Variants in CEP44 observed in about 807,000 individuals in gnomAD.
CEP44 encodes the protein centrosomal protein 44.
In CEP44, 45 loss-of-function variants were observed where a neutral mutation model predicts 46.7. The observed-to-expected ratio is 0.96, with a 90% CI of 0.76 to 1.24. The LOEUF (loss-of-function observed/expected upper bound fraction) is 1.24, where lower values mean the gene tolerates loss of function less well. CEP44 is among the 50% of genes most tolerant of loss of function. The pLI is 0.00. For synonymous variants in CEP44, 142 were observed against 146.0 expected (o/e 0.97, Z 0.20); for missense variants, 475 against 459.7 (o/e 1.03, Z -0.30).
In CEP44 at chr4:174,326,433, C is replaced by T. The variant is rs571423801; in HGVS notation, c.1087-5049C>T. On this transcript the variant is annotated intron_variant, in intron 8 of 8. Transcript: ENST00000426172. The surrounding 1 kb of genome is among the most constrained non-coding windows in gnomAD (Gnocchi z 4.8). The stretch of plus-strand genomic sequence containing the variant: ...GATAATATACTTTTCATTCTTTCTG[C>T]GCCCGCCAAGCCTTTTTTTGTCAAA... Among the ~76,000 whole-genome samples the T allele has an allele frequency of 1.1e-3, 170 of 152,052 alleles. No homozygotes were observed. In the Middle Eastern group the frequency reaches 0.014, roughly 12 times the overall value.
Position 174,303,855 on chromosome 4 carries a change from T to G in CEP44, c.384+6T>G, listed in dbSNP as rs1740047372. 6.6e-7 allele frequency: 1 copy of G among 1,515,602 alleles called. No homozygotes were observed. Among genetic ancestry groups the G allele is most frequent in the African/African-American group, 1.4e-5 (1 of 72,712 alleles). The allele number at this position is 1,515,602 out of a possible 1,614,324, so 93.9% of individuals were successfully genotyped here. ...AATTAAGCAGTCTTCAGAAGGTAAT[T>G]TTATGAATAGATATTAATGCTGATG... On this transcript the variant is annotated splice_donor_region_variant and intron_variant, in intron 5 of 11. Coordinates refer to ENST00000503780, the MANE Select transcript of CEP44 (RefSeq NM_001040157.3).
intron 3 of CEP44, among the ~76,000 whole-genome samples, chr4:174,300,177 C>A (rs1025147932): frequency 7.2e-5 from 11 of 151,994 alleles, no homozygotes; most frequent in Non-Finnish European, 1.0e-4. Flanking sequence ...GAATGGATAT[C>A]CATATAAGAA....
At chr4:174,303,664 A>G (rs1344357258) in intron 4 of CEP44, 39 bp from the exon 5 acceptor site, 1 of 1,370,026 alleles carries the variant, frequency 7.3e-7, no homozygotes, top group East Asian at 2.4e-5. Context: ...TTAGAAATAA[A>G]TTGCTCCCAA....
At chr4:174,291,619 T>G (rs781171114) in intron 1 of CEP44, among the ~76,000 whole-genome samples, 3 of 152,088 alleles carry the variant, frequency 2.0e-5, no homozygotes, top group Admixed American at 6.5e-5. Flanking sequence ...AGCAGTGAGA[T>G]GTATACTTTC....
At chr4:174,295,865 T>G (rs573177263) in intron 1 of CEP44, among the ~76,000 whole-genome samples, 5 of 152,384 alleles carry the variant, frequency 3.3e-5, no homozygotes, top group African/African-American at 9.6e-5. Flanking sequence ...TGAGGGACTT[T>G]CCCTCTATTC....
At chr4:174,321,417 A>G (rs1178482329), downstream of CEP44, among the ~76,000 whole-genome samples, 2 of 152,092 alleles carry the variant, frequency 1.3e-5, no homozygotes, top group African/African-American at 2.4e-5. Context: ...CAGTCAAATA[A>G]TATATAAATA....
In CEP44 at chr4:174,311,065, T is replaced by C. The variant is rs1741026489; in HGVS notation, c.961+207T>C. Among the ~76,000 whole-genome samples the C allele has an allele frequency of 6.6e-6, 1 of 152,044 alleles. No homozygotes were observed. The highest frequency in any genetic ancestry group is 1.5e-5 in the Non-Finnish European group (1 of 67,890). Reference sequence around the variant, plus strand: ...ACATAACATAGTGGGTGAATAAATTTCAGTGTACAAAATTGAAAATTTTTA... The same window carrying C: ...ACATAACATAGTGGGTGAATAAATTCCAGTGTACAAAATTGAAAATTTTTA... On this transcript the variant is annotated intron_variant, in intron 9 of 11. Transcript: ENST00000503780. This position sits in a 1 kb window ranked among gnomAD's most constrained non-coding sequence, Gnocchi z 4.4.
At chr4:174,304,116 G>T in intron 5 of CEP44, 131 bp from the exon 6 acceptor site, 5 of 1,122,280 alleles carry the variant, frequency 4.5e-6, no homozygotes, top group Non-Finnish European at 6.1e-6. Flanking sequence ...TAAAAGTCAT[G>T]TAGTCTCATT....
rs1042643190 is a variant in CEP44, at chr4:174,329,644, A to G, written c.1087-1838A>G. Among the ~76,000 whole-genome samples the G allele has an allele frequency of 1.3e-5, 2 of 152,202 alleles. No homozygotes were observed. Among genetic ancestry groups the G allele is most frequent in the Non-Finnish European group, 2.9e-5 (2 of 68,022 alleles). On this transcript the variant is annotated intron_variant, in intron 8 of 8. Transcript: ENST00000426172. The surrounding 1 kb of genome is among the most constrained non-coding windows in gnomAD (Gnocchi z 4.0). Reference sequence around the variant, plus strand: ...TTATGCTTTGAGAAACCAAAGGGGAAAAGTTCAAAAGGTACTTCATAACTT... The same window carrying G: ...TTATGCTTTGAGAAACCAAAGGGGAGAAGTTCAAAAGGTACTTCATAACTT...
At chr4:174,313,541 G>A (rs1230875293) in intron 9 of CEP44, among the ~76,000 whole-genome samples, 2 of 152,064 alleles carry the variant, frequency 1.3e-5, no homozygotes, top group Admixed American at 1.3e-4. Flanking sequence ...TTTCAGCAAG[G>A]CTAATATTCT....
downstream of CEP44, among the ~76,000 whole-genome samples, chr4:174,323,809 A>G (rs917403615): frequency 6.6e-6 from 1 of 152,088 alleles, no homozygotes; most frequent in Non-Finnish European, 1.5e-5. Context: ...GGGCATTCAT[A>G]CAGGCCATTG....
intron 1 of CEP44, among the ~76,000 whole-genome samples, chr4:174,292,602 G>T (rs992262624): frequency 6.6e-6 from 1 of 151,828 alleles, no homozygotes; most frequent in Non-Finnish European, 1.5e-5. Flanking sequence ...TCATATGACC[G>T]GTGTTCAGGT....
chr4:174,300,458 A>G (rs1739585225), intron 3 of CEP44, among the ~76,000 whole-genome samples: 2 of 152,104 alleles, frequency 1.3e-5, no homozygotes, highest in Non-Finnish European at 2.9e-5. Flanking sequence ...TGCCACTTTA[A>G]GTGTCAACAT....
In CEP44 at chr4:174,309,987, T is replaced by G. The variant is rs758740148; in HGVS notation, c.816T>G (p.Asp272Glu). ...AAATGAAAGGAAAAGTGATGGTAGA[T>G]GAAAACACCTGGACTAATCTTCTTA... ...EQKMKGKVMVDENTWTNLLSR... is the reference protein window; with the variant it reads ...EQKMKGKVMVEENTWTNLLSR... The change falls in exon 8 of 12, where the codon GAT (aspartate) becomes GAG (glutamate). Residue 272 changes from aspartate (D) to glutamate (E), a missense_variant. Asp to Glu is a conservative substitution (Grantham distance 45). Transcript: ENST00000503780. This position sits in a 1 kb window ranked among gnomAD's most constrained non-coding sequence, Gnocchi z 5.3. The G allele has an allele frequency of 3.1e-6, 5 of 1,612,868 alleles. No homozygotes were observed. The South Asian group carries it at 4.4e-5, about 14-fold the overall frequency.
chr4:174,324,936 C>T (rs1742562685), downstream of CEP44, among the ~76,000 whole-genome samples: 1 of 152,116 alleles, frequency 6.6e-6, no homozygotes, highest in African/African-American at 2.4e-5. Flanking sequence ...CCCCTATAAG[C>T]TGTGAGTACA....
At chr4:174,298,717 A>G (rs1212903956) in intron 2 of CEP44, among the ~76,000 whole-genome samples, 2 of 152,218 alleles carry the variant, frequency 1.3e-5, no homozygotes, top group Admixed American at 1.3e-4. Flanking sequence ...ATAAGCATCC[A>G]AAAGAGTCAC....
chr4:174,294,853 GC>G (rs1446668497), intron 1 of CEP44, among the ~76,000 whole-genome samples: 8 of 136,508 alleles, frequency 5.9e-5, no homozygotes, highest in Admixed American at 2.1e-4. Flanking sequence ...CGGGCGGGGG[GC>G]TGATCCCCCC....
At position 174,312,764 on chromosome 4, in the gene CEP44, C is replaced by T. The variant is rs80112625; in HGVS notation, c.961+1906C>T. Among the ~76,000 whole-genome samples, 31 of 152,302 alleles carry T rather than the reference C, an allele frequency of 2.0e-4. No individual in the cohort carries two copies. In the East Asian group the frequency reaches 5.8e-3, roughly 28 times the overall value. On this transcript the variant is annotated intron_variant, in intron 9 of 11. Transcript: ENST00000503780. This position sits in a 1 kb window ranked among gnomAD's most constrained non-coding sequence, Gnocchi z 4.5. ...AGACTCAAGTTTATAAAGACTTACA[C>T]ATTATACCTTATACATGCTACTTGG... is the stretch of plus-strand genomic sequence containing the variant.
At chr4:174,313,846 AC>A (rs1378728341) in intron 9 of CEP44, among the ~76,000 whole-genome samples, 1 of 152,094 alleles carries the variant, frequency 6.6e-6, no homozygotes, top group Non-Finnish European at 1.5e-5. Context: ...GGTGATTGTT[AC>A]TCTTTAATAA....
Sources: gnomAD v4.1 joint callset for allele counts (sites outside exome capture counted in the v4.1 genomes callset) on GRCh38, gnomAD v4.1.1 for gene constraint, Gnocchi (gnomAD v3.1) non-coding constraint, MANE v1.5 for transcripts, NCBI Gene and HGNC (gene_info 2026-07-23, HGNC 2026-07-21) for gene names.